FBXL17: variants seen among roughly 807,000 people sequenced by gnomAD.
The protein encoded by FBXL17 is F-box/LRR-repeat protein 17.
In FBXL17, 22 loss-of-function variants were observed where a neutral mutation model predicts 66.2. The observed-to-expected ratio is 0.33, with a 90% confidence interval of 0.24 to 0.47. The LOEUF is 0.47. Ranked by LOEUF, FBXL17 falls within the 20% of genes least tolerant of loss-of-function variation. FBXL17 has a pLI of 1.00. For synonymous variants in FBXL17, 474 were observed against 400.5 expected, an observed-to-expected ratio of 1.18 and a Z score of -2.19; for missense variants, 878 against 948.2, an observed-to-expected ratio of 0.93 and a Z score of 0.97.
chr5:108,045,148 T>C (rs1394961691), intron 6 of FBXL17, among the ~76,000 whole-genome samples: 1 of 152,176 alleles, frequency 6.6e-6, no homozygotes, highest in Non-Finnish European at 1.5e-5. Context: ...ATTATCTTTA[T>C]AATTTCTTTC....
At chr5:108,024,123 T>C (rs917676499) in intron 6 of FBXL17, among the ~76,000 whole-genome samples, 6 of 152,236 alleles carry the variant, frequency 3.9e-5, no homozygotes, top group African/African-American at 7.2e-5. Flanking sequence ...CCATTCTCTA[T>C]GGATCAGTAG....
At chr5:107,923,686 T>C (rs952076613) in intron 7 of FBXL17, among the ~76,000 whole-genome samples, 1 of 152,060 alleles carries the variant, frequency 6.6e-6, no homozygotes, top group African/African-American at 2.4e-5. Flanking sequence ...GTCAATATTG[T>C]TCCCTAAAAC....
At chr5:108,305,654 G>T (rs961883754) in intron 4 of FBXL17, among the ~76,000 whole-genome samples, 11 of 152,072 alleles carry the variant, frequency 7.2e-5, no homozygotes, top group Non-Finnish European at 8.8e-5. Flanking sequence ...GAGGAGGATA[G>T]CTAAGACTAC....
intron 7 of FBXL17, among the ~76,000 whole-genome samples, chr5:107,978,670 A>G (rs1054424607): frequency 2.0e-5 from 3 of 152,154 alleles, no homozygotes; most frequent in African/African-American, 4.8e-5. Flanking sequence ...CCACATCCCT[A>G]TGATTTCATT....
At chr5:108,014,084 C>A (rs916493964) in intron 7 of FBXL17, among the ~76,000 whole-genome samples, 4 of 151,806 alleles carry the variant, frequency 2.6e-5, no homozygotes, top group African/African-American at 9.7e-5. Context: ...TCCAAGAGTA[C>A]TATGCAGTGA....
chr5:108,202,797 C>T (rs1753951034), intron 5 of FBXL17, among the ~76,000 whole-genome samples: 1 of 152,090 alleles, frequency 6.6e-6, no homozygotes, highest in Non-Finnish European at 1.5e-5. Context: ...TGGTTGACTG[C>T]AGGTAACTGA....
intron 8 of FBXL17, among the ~76,000 whole-genome samples, chr5:107,872,822 T>G (rs1748499475): frequency 6.6e-6 from 1 of 152,210 alleles, no homozygotes; most frequent in African/African-American, 2.4e-5. Flanking sequence ...TATTTTCATT[T>G]TACAGATGAG....
At chr5:108,378,100 T>C (rs1749571689) in intron 1 of FBXL17, among the ~76,000 whole-genome samples, 1 of 152,164 alleles carries the variant, frequency 6.6e-6, no homozygotes. Context: ...TATATTAAAA[T>C]GCATTTTTGA....
At chr5:107,907,768 T>G (rs956919060) in intron 7 of FBXL17, among the ~76,000 whole-genome samples, 3 of 152,158 alleles carry the variant, frequency 2.0e-5, no homozygotes, top group African/African-American at 7.2e-5. Flanking sequence ...CCAGTTAGAA[T>G]GGCAATCATT....
At chr5:108,329,934 C>T (rs954719162) in intron 4 of FBXL17, among the ~76,000 whole-genome samples, 1 of 152,050 alleles carries the variant, frequency 6.6e-6, no homozygotes, top group Non-Finnish European at 1.5e-5. Context: ...TAGGAAATTA[C>T]TCCTATTAGT....
At chr5:108,145,498 G>A (rs1385679377) in intron 6 of FBXL17, among the ~76,000 whole-genome samples, 1 of 152,096 alleles carries the variant, frequency 6.6e-6, no homozygotes, top group Non-Finnish European at 1.5e-5. Context: ...CCCTCATTAA[G>A]CAATACTAAC....
At chr5:108,043,327 C>G (rs1029088900) in intron 6 of FBXL17, among the ~76,000 whole-genome samples, 5 of 152,022 alleles carry the variant, frequency 3.3e-5, no homozygotes, top group Admixed American at 3.3e-4. Context: ...GTTTTTCCCC[C>G]CCTAGGTTTC....
intron 7 of FBXL17, among the ~76,000 whole-genome samples, chr5:107,994,406 A>G (rs988467303): frequency 2.6e-5 from 4 of 152,022 alleles, no homozygotes; most frequent in Non-Finnish European, 5.9e-5. Context: ...GTGTGTGTGT[A>G]TATATGCACA....
chr5:108,185,321 T>C (rs1753183167), intron 6 of FBXL17, among the ~76,000 whole-genome samples: 1 of 152,124 alleles, frequency 6.6e-6, no homozygotes, highest in African/African-American at 2.4e-5. Flanking sequence ...GGGGGCAGAT[T>C]TACCCCTTGC....
chr5:108,040,024 T>C (rs1746987551), intron 6 of FBXL17, among the ~76,000 whole-genome samples: 1 of 152,212 alleles, frequency 6.6e-6, no homozygotes, highest in Admixed American at 6.5e-5. Flanking sequence ...TTATAGTTTC[T>C]CTAAACCAAA....
intron 3 of FBXL17, among the ~76,000 whole-genome samples, chr5:108,359,561 G>A (rs1297985120): frequency 6.6e-6 from 1 of 152,052 alleles, no homozygotes; most frequent in Non-Finnish European, 1.5e-5. Context: ...GCCATTGGTT[G>A]TACAAGACTC....
intron 4 of FBXL17, among the ~76,000 whole-genome samples, chr5:108,336,197 T>A (rs949150553): frequency 5.0e-4 from 76 of 152,254 alleles, no homozygotes; most frequent in Non-Finnish European, 1.0e-3. Flanking sequence ...GAGTATTTTT[T>A]AAAAAACACT....
At chr5:108,042,984 A>G (rs1747110777) in intron 6 of FBXL17, among the ~76,000 whole-genome samples, 1 of 152,212 alleles carries the variant, frequency 6.6e-6, no homozygotes. Flanking sequence ...ATGGCTAAAG[A>G]CAGTGAACAT....
chr5:108,234,610 T>C (rs1321313953), intron 4 of FBXL17, among the ~76,000 whole-genome samples: 2 of 152,184 alleles, frequency 1.3e-5, no homozygotes, highest in Non-Finnish European at 2.9e-5. Context: ...GCACAATGGG[T>C]CTACTTTCTA....
Sources: gnomAD v4.1 joint callset for allele counts (sites outside exome capture counted in the v4.1 genomes callset) on GRCh38, gnomAD v4.1.1 for gene constraint, MANE v1.5 for transcripts, NCBI Gene and HGNC (gene_info 2026-07-23, HGNC 2026-07-21) for gene names.